CCSER1: variants seen among roughly 807,000 people sequenced by gnomAD.
CCSER1 encodes the protein serine-rich coiled-coil domain-containing protein 1.
A neutral mutation model predicts 82.0 loss-of-function variants in CCSER1; 41 were observed. The observed-to-expected ratio is 0.50, with a 90% CI of 0.39 to 0.65. CCSER1 has a LOEUF of 0.65. Ranked by LOEUF, CCSER1 falls within the 30% of genes least tolerant of loss-of-function variation. CCSER1 has a pLI of 0.00. For missense variants in CCSER1, 1,119 were observed against 1,064.2 expected (o/e 1.05, Z -0.72); for synonymous variants, 414 against 383.9 (o/e 1.08, Z -0.92).
At chr4:90,505,919 T>A (rs976267759) in intron 5 of CCSER1, among the ~76,000 whole-genome samples, 2 of 152,178 alleles carry the variant, frequency 1.3e-5, no homozygotes, top group Non-Finnish European at 2.9e-5. Flanking sequence ...AGTCTCTTAG[T>A]CTTATTTAAC....
At chr4:91,417,448 T>C (rs111787603) in intron 10 of CCSER1, among the ~76,000 whole-genome samples, 1 of 152,038 alleles carries the variant, frequency 6.6e-6, no homozygotes, top group African/African-American at 2.4e-5. Flanking sequence ...ACCCAAATGT[T>C]CATCAATGAT....
intron 9 of CCSER1, among the ~76,000 whole-genome samples, chr4:91,065,806 A>G (rs1720753069): frequency 6.6e-6 from 1 of 152,142 alleles, no homozygotes; most frequent in African/African-American, 2.4e-5. Context: ...TCACCGAATC[A>G]TACTGAAAAA....
intron 9 of CCSER1, among the ~76,000 whole-genome samples, chr4:90,933,252 G>A (rs1233646027): frequency 2.0e-5 from 3 of 148,988 alleles, no homozygotes; most frequent in East Asian, 2.1e-4. Flanking sequence ...CGGAGGCGCG[G>A]TCTCGGCTCA....
intron 10 of CCSER1, among the ~76,000 whole-genome samples, chr4:91,408,326 A>T (rs1752825424): frequency 6.6e-6 from 1 of 152,242 alleles, no homozygotes; most frequent in Admixed American, 6.5e-5. Context: ...TTCACATAAC[A>T]GTATAATTTA....
intron 8 of CCSER1, among the ~76,000 whole-genome samples, chr4:90,899,693 C>T (rs1724305558): frequency 1.3e-5 from 2 of 151,826 alleles, no homozygotes; most frequent in Admixed American, 1.3e-4. Flanking sequence ...CTTTTTCTGC[C>T]TCTACTGAGA....
intron 3 of CCSER1, among the ~76,000 whole-genome samples, chr4:90,314,464 A>G (rs969126488): frequency 2.0e-5 from 3 of 152,210 alleles, no homozygotes; most frequent in Non-Finnish European, 4.4e-5. Flanking sequence ...GGGTTACACT[A>G]TTCAACTTGC....
chr4:90,164,168 A>G (rs1008700535), intron 1 of CCSER1, among the ~76,000 whole-genome samples: 1 of 152,020 alleles, frequency 6.6e-6, no homozygotes, highest in Non-Finnish European at 1.5e-5. Context: ...ATGAGAACCT[A>G]CATGAAAGCC....
chr4:90,267,729 G>A (rs956558813), intron 1 of CCSER1, among the ~76,000 whole-genome samples: 2 of 152,176 alleles, frequency 1.3e-5, no homozygotes. Flanking sequence ...ATCCCAAACT[G>A]TCAAGGTGGT....
At chr4:90,542,829 T>C (rs1333262084) in intron 5 of CCSER1, among the ~76,000 whole-genome samples, 1 of 152,134 alleles carries the variant, frequency 6.6e-6, no homozygotes, top group Non-Finnish European at 1.5e-5. Flanking sequence ...TATGTTTTTC[T>C]AGCATACATA....
intron 5 of CCSER1, among the ~76,000 whole-genome samples, chr4:90,529,714 G>C (rs1277515166): frequency 6.6e-6 from 1 of 151,880 alleles, no homozygotes; most frequent in Non-Finnish European, 1.5e-5. Context: ...AACGAAATGT[G>C]GATGTTCAAT....
intron 10 of CCSER1, among the ~76,000 whole-genome samples, chr4:91,458,946 TTAGGTTATCA>T (rs1380253211): frequency 1.1e-4 from 17 of 152,116 alleles, no homozygotes; most frequent in African/African-American, 4.1e-4. Flanking sequence ...GATGAATCCT[TTAGGTTATCA>T]TAAATATTTG....
At chr4:91,325,212 T>C in intron 10 of CCSER1, 1 of 456,028 alleles carries the variant, frequency 2.2e-6, no homozygotes, top group Non-Finnish European at 4.4e-6. Flanking sequence ...GCCATTATTG[T>C]AATTAGATAT....
chr4:91,339,449 T>TG (rs1001776676), intron 10 of CCSER1, among the ~76,000 whole-genome samples: 2 of 152,020 alleles, frequency 1.3e-5, no homozygotes, highest in Admixed American at 6.6e-5. Flanking sequence ...CGAGTTAATA[T>TG]GGGGGGGTAG....
intron 9 of CCSER1, among the ~76,000 whole-genome samples, chr4:90,963,669 G>T (rs1734260579): frequency 6.6e-6 from 1 of 151,692 alleles, no homozygotes; most frequent in Admixed American, 6.6e-5. Flanking sequence ...GAGGACAGAG[G>T]CCTCAAGTGA....
At chr4:91,006,373 T>A (rs936441357) in intron 9 of CCSER1, among the ~76,000 whole-genome samples, 2 of 44,714 alleles carry the variant, frequency 4.5e-5, no homozygotes, top group Admixed American at 1.8e-4. Context: ...ATTCACTAGT[T>A]CTAACAGTTT....
In CCSER1 at chr4:90,591,965, A is replaced by G. The variant is rs142053368; in HGVS notation, c.1725-36060A>G. On this transcript the variant is annotated intron_variant, in intron 5 of 10. Transcript: ENST00000509176. ...AACCAAACACCACATGTTCTCACTC[A>G]TAAGTGGGAGTTGAACAATGAGAAC... 4.1e-3 allele frequency among the ~76,000 whole-genome samples: 624 copies of G among 152,246 alleles called. 2 individuals are homozygous for G. Among genetic ancestry groups the G allele is most frequent in the African/African-American group, 9.6e-3 (400 of 41,554 alleles).
intron 1 of CCSER1, among the ~76,000 whole-genome samples, chr4:90,221,525 C>T (rs1335569262): frequency 3.9e-5 from 6 of 152,042 alleles, no homozygotes; most frequent in Non-Finnish European, 5.9e-5. Context: ...CTGGTGTCCT[C>T]GAAACAAACG....
At chr4:90,783,782 TATA>T (rs1239555683) in intron 7 of CCSER1, among the ~76,000 whole-genome samples, 2 of 152,190 alleles carry the variant, frequency 1.3e-5, no homozygotes, top group Non-Finnish European at 2.9e-5. Context: ...TGGTTAATTT[TATA>T]ATATGTGCCA....
chr4:91,522,199 T>G (rs1461151690), intron 10 of CCSER1, among the ~76,000 whole-genome samples: 2 of 152,168 alleles, frequency 1.3e-5, no homozygotes, highest in Non-Finnish European at 2.9e-5. Context: ...AGATGTGTGG[T>G]GTTACTTCCG....
Sources: gnomAD v4.1 joint callset for allele counts (sites outside exome capture counted in the v4.1 genomes callset) on GRCh38, gnomAD v4.1.1 for gene constraint, MANE v1.5 for transcripts, NCBI Gene and HGNC (gene_info 2026-07-23, HGNC 2026-07-21) for gene names.